MTMR10: variants seen among roughly 807,000 people sequenced by gnomAD.
MTMR10 encodes myotubularin-related protein 10.
In MTMR10, 56 loss-of-function variants were observed where a neutral mutation model predicts 88.1. The observed-to-expected ratio is 0.64, with a 90% CI of 0.51 to 0.79. The LOEUF (loss-of-function observed/expected upper bound fraction) is 0.79, where lower values mean the gene tolerates loss of function less well. Ranked by LOEUF, MTMR10 falls within the 30% of genes least tolerant of loss-of-function variation. The pLI is 0.00. For synonymous variants in MTMR10, 380 were observed against 340.9 expected (o/e 1.11, Z -1.26); for missense variants, 883 against 924.7 (o/e 0.95, Z 0.58).
In MTMR10 at chr15:30,965,709, T is replaced by C. The variant is rs77422747; in HGVS notation, c.565+2211A>G. 7.0e-3 allele frequency among the ~76,000 whole-genome samples: 1,064 copies of C among 152,286 alleles called. 7 individuals are homozygous for C. The highest frequency in any genetic ancestry group is 0.02 in the Middle Eastern group (6 of 294). On this transcript the variant is annotated intron_variant, in intron 6 of 15. Coordinates refer to ENST00000435680, the MANE Select transcript of MTMR10 (RefSeq NM_017762.3). Reference sequence around the variant, plus strand: ...TTACTCCAGGATATTCACAGAAGTGTTGGGATGACTGCAGGACCTTTCAGA... The same window carrying C: ...TTACTCCAGGATATTCACAGAAGTGCTGGGATGACTGCAGGACCTTTCAGA...
chr15:30,958,758 A>G lies in MTMR10; in HGVS notation c.935+105T>C, dbSNP rs115599870. On this transcript the variant is annotated intron_variant, in intron 9 of 15. Transcript: ENST00000435680. The stretch of plus-strand genomic sequence containing the variant: ...TCTTATATAAAACATGGTGCTAACT[A>G]ATTAGTAAGACTATGCATTTTGTTA... 2.1e-3 allele frequency: 2,512 copies of G among 1,175,320 alleles called. 37 individuals are homozygous for G. In the African/African-American group the frequency reaches 0.032, roughly 15 times the overall value. The allele number at this position is 1,175,320 out of a possible 1,614,324, so 72.8% of individuals were successfully genotyped here.
chr15:30,939,667 TGAAG>T lies in MTMR10; in HGVS notation c.*1799_*1802del, dbSNP rs1169927203. On this transcript the variant is annotated 3_prime_UTR_variant, in exon 16 of 16. Coordinates refer to ENST00000435680, the MANE Select transcript of MTMR10 (RefSeq NM_017762.3). Reference sequence around the variant, plus strand: ...AATACTACAAGAGTTAAAATAAACGTGAAGGAAGAAAATTACAGAGGGAAAAATG... The same window carrying T: ...AATACTACAAGAGTTAAAATAAACGTGAAGAAAATTACAGAGGGAAAAATG... 3.6e-6 allele frequency: 2 copies of T among 560,108 alleles called. No individual in the cohort carries two copies. Among genetic ancestry groups the T allele is most frequent in the Non-Finnish European group, 2.2e-6 (1 of 463,088 alleles). The allele number at this position is 560,108 out of a possible 1,614,324, so 34.7% of individuals were successfully genotyped here.
chr15:30,939,915 TAA>T lies in MTMR10; in HGVS notation c.*1553_*1554del, dbSNP rs2062981351. On this transcript the variant is annotated 3_prime_UTR_variant, in exon 16 of 16. Transcript: ENST00000435680. ...TTGGCAAAAACCTTGGGTTTACCCA[TAA>T]AGTGAATTTCTTAAGATATTTTTTA... The T allele has an allele frequency of 1.0e-6, 1 of 985,274 alleles. No individual in the cohort carries two copies. Among genetic ancestry groups the T allele is most frequent in the African/African-American group, 1.7e-5 (1 of 57,248 alleles). The allele number at this position is 985,274 out of a possible 1,614,324, so 61.0% of individuals were successfully genotyped here. A position where few individuals can be genotyped will look rare whatever the true frequency, so the allele number is the denominator to read the frequency against.
intron 9 of MTMR10, among the ~76,000 whole-genome samples, chr15:30,955,983 A>C (rs2063322020): frequency 7.5e-6 from 1 of 133,112 alleles, no homozygotes; most frequent in Non-Finnish European, 1.6e-5. Flanking sequence ...TAAAAAAACA[A>C]AACAAAACCC....
downstream of MTMR10, among the ~76,000 whole-genome samples, chr15:30,935,759 A>G (rs1291574981): frequency 6.8e-6 from 1 of 147,154 alleles, no homozygotes; most frequent in Non-Finnish European, 1.5e-5. Flanking sequence ...AATGAATTTT[A>G]TGTTGACAGT....
At position 30,991,322 on chromosome 15, in the gene MTMR10, G is replaced by A. The variant is rs552922777; in HGVS notation, c.60+125C>T. On this transcript the variant is annotated intron_variant, in intron 1 of 15. Coordinates refer to ENST00000435680, the MANE Select transcript of MTMR10 (RefSeq NM_017762.3). ...ATTTCGCGGCGCCGGGAATCAGGCA[G>A]CCGCGCTGCTGTGGGCAGGGAGACG... 39 of 1,008,498 alleles carry A rather than the reference G, an allele frequency of 3.9e-5. No homozygotes were observed. In the South Asian group the frequency reaches 8.2e-4, roughly 21 times the overall value. The allele number at this position is 1,008,498 out of a possible 1,614,324, so 62.5% of individuals were successfully genotyped here. A position where few individuals can be genotyped will look rare whatever the true frequency, so the allele number is the denominator to read the frequency against.
In MTMR10 at chr15:30,941,997, G is replaced by A. The variant is rs371202080; in HGVS notation, c.1807C>T (p.Pro603Ser). The A allele has an allele frequency of 6.2e-7, 1 of 1,613,886 alleles. No individual in the cohort carries two copies. Among genetic ancestry groups the A allele is most frequent in the African/African-American group, 1.3e-5 (1 of 74,922 alleles). ...TTTAATATCAATGAATTTCTCCTTG[G>A]AAGTAATTCTTGGTCACTGATGATT... ...NGIISDQELLPRRNSLILKPK... is the reference protein window; with the variant it reads ...NGIISDQELLSRRNSLILKPK... Residue 603 changes from proline (P) to serine (S), a missense_variant, in exon 16 of 16, where the codon CCA becomes TCA. Transcript: ENST00000435680.
rs1595911300 is a variant in MTMR10, at chr15:30,947,190, C to A, written c.1488G>T (p.Arg496=). The change falls in exon 14 of 16, where the codon CGG becomes CGT. Residue 496 remains arginine (R), a synonymous_variant. Transcript: ENST00000435680. The part of the protein sequence containing the change: ...TYLAVLYDST[R]ISLFGTFLFN... ...ACAGGAAGGTGCCAAACAGTGAGAT[C>A]CGGGTGCTGTCATACAACACTGCCA... 1 of 1,613,812 alleles carries A rather than the reference C, an allele frequency of 6.2e-7. No homozygotes were observed. Among genetic ancestry groups the A allele is most frequent in the African/African-American group, 1.3e-5 (1 of 74,908 alleles).
chr15:30,976,036 A>T (rs1176190987), intron 3 of MTMR10, among the ~76,000 whole-genome samples: 2 of 152,074 alleles, frequency 1.3e-5, no homozygotes, highest in Admixed American at 6.5e-5. Flanking sequence ...AAAATTTTTA[A>T]ATCGATACTA....
chr15:30,943,241 G>A, intron 14 of MTMR10, 169 bp from the exon 15 acceptor site: 2 of 1,372,878 alleles, frequency 1.5e-6, no homozygotes, highest in Middle Eastern at 5.4e-4. Context: ...TGGCCTTTGA[G>A]CTCAGAGGGC....
At chr15:30,975,489 TTTTCCTAA>T (rs1448709436) in intron 3 of MTMR10, among the ~76,000 whole-genome samples, 5 of 152,314 alleles carry the variant, frequency 3.3e-5, no homozygotes, top group African/African-American at 1.2e-4. Context: ...CTGGTTTACT[TTTTCCTAA>T]TAGTGGTACT....
rs2063004433 is a variant in MTMR10, at chr15:30,940,441, G to GAACT, written c.*1025_*1028dup. On this transcript the variant is annotated 3_prime_UTR_variant, in exon 16 of 16. Transcript: ENST00000435680. ...TTTCTCCTCTATTCCTAAGCATTAGGAACTATGAGAGAAGGACATCTGTGC... is the reference window on the plus strand; with the variant it reads ...TTTCTCCTCTATTCCTAAGCATTAGGAACTAACTATGAGAGAAGGACATCTGTGC... The GAACT allele has an allele frequency of 1.0e-6, 1 of 985,226 alleles. No homozygotes were observed. The highest frequency in any genetic ancestry group is 1.2e-6 in the Non-Finnish European group (1 of 829,940). 61.0% of individuals were successfully genotyped at this position (985,226 alleles called of 1,614,324 possible).
At chr15:30,973,977 AC>A (rs1053088372) in intron 5 of MTMR10, among the ~76,000 whole-genome samples, 2 of 152,188 alleles carry the variant, frequency 1.3e-5, no homozygotes, top group Admixed American at 1.3e-4. Context: ...TAAAAGCCTA[AC>A]CAAACCTTAA....
At chr15:30,967,342 T>C (rs1465733616) in intron 6 of MTMR10, among the ~76,000 whole-genome samples, 3 of 152,180 alleles carry the variant, frequency 2.0e-5, no homozygotes, top group Admixed American at 6.5e-5. Flanking sequence ...TCCCTGGTCA[T>C]GTCATGACTG....
In MTMR10 at chr15:30,941,528, T is replaced by A; in HGVS notation, c.2276A>T (p.Lys759Ile). Reference sequence around the variant, plus strand: ...CCATATTTTGGCCCCACTTAAAAATTTGCTTAATGGTGTTCCTAAAATGCT... The same window carrying A: ...CCATATTTTGGCCCCACTTAAAAATATGCTTAATGGTGTTCCTAAAATGCT... Reference protein sequence around the residue: ...RRSILGTPLSKFLSGAKIWLS... With the variant: ...RRSILGTPLSIFLSGAKIWLS... The change falls in exon 16 of 16, where the codon AAA becomes ATA. Residue 759 changes from lysine (K) to isoleucine (I), a missense_variant. Transcript: ENST00000435680. The A allele has an allele frequency of 6.2e-7, 1 of 1,610,478 alleles. No individual in the cohort carries two copies. The highest frequency in any genetic ancestry group is 8.5e-7 in the Non-Finnish European group (1 of 1,178,126).
At chr15:30,969,596 T>C (rs1377584242) in intron 5 of MTMR10, among the ~76,000 whole-genome samples, 1 of 152,156 alleles carries the variant, frequency 6.6e-6, no homozygotes, top group Non-Finnish European at 1.5e-5. Context: ...CTCTGAGAGC[T>C]TCCTTACATT....
intron 10 of MTMR10, 50 bp from the exon 11 acceptor site, chr15:30,953,681 C>T (rs764160408): frequency 3.4e-5 from 41 of 1,193,262 alleles, no homozygotes; most frequent in Non-Finnish European, 4.9e-5. Context: ...TTTATACGAT[C>T]CCTATCAGAG....
At chr15:30,951,562 C>T (rs1406792895) in intron 12 of MTMR10, among the ~76,000 whole-genome samples, 4 of 151,798 alleles carry the variant, frequency 2.6e-5, no homozygotes, top group Admixed American at 1.3e-4. Flanking sequence ...TGCAGTGGTG[C>T]GATCTCTGCT....
At chr15:30,977,006 G>A (rs958821627) in intron 2 of MTMR10, 51 bp from the exon 3 acceptor site, 27 of 1,544,726 alleles carry the variant, frequency 1.7e-5, no homozygotes, top group East Asian at 9.0e-5. Context: ...AAATACCAAC[G>A]GTCTTTGTGG....
Sources: allele counts gnomAD v4.1 joint callset (sites outside exome capture counted in the v4.1 genomes callset), GRCh38; gene constraint gnomAD v4.1.1; transcripts MANE v1.5; gene names NCBI Gene and HGNC (gene_info 2026-07-23, HGNC 2026-07-21).